ACAP2: variants seen among roughly 807,000 people sequenced by gnomAD.
The protein encoded by ACAP2 is arf-GAP with coiled-coil, ANK repeat and PH domain-containing protein 2.
ACAP2 carries 39 observed loss-of-function variants against 115.8 expected under a neutral mutation model. The observed-to-expected ratio is 0.34, with a 90% CI of 0.26 to 0.44. The LOEUF is 0.44. ACAP2 is among the 20% of genes least tolerant of loss of function. ACAP2 has a pLI of 1.00. For missense variants in ACAP2, 662 were observed against 927.6 expected, an observed-to-expected ratio of 0.71 and a Z score of 3.72; for synonymous variants, 289 against 315.8, an observed-to-expected ratio of 0.92 and a Z score of 0.90.
intron 4 of ACAP2, among the ~76,000 whole-genome samples, chr3:195,345,944 C>A (rs956209466): frequency 6.6e-6 from 1 of 152,094 alleles, no homozygotes; most frequent in Non-Finnish European, 1.5e-5. Context: ...AAATGCTTAT[C>A]GTGGGGATTC....
chr3:195,424,089 C>G (rs1277565057), intron 1 of ACAP2, among the ~76,000 whole-genome samples: 2 of 151,524 alleles, frequency 1.3e-5, no homozygotes, highest in African/African-American at 2.4e-5. Context: ...GTTCAAGATT[C>G]AGAGCAGAAA....
chr3:195,372,987 CAAAAAAAAAAAAAA>C (rs869134113), intron 4 of ACAP2, among the ~76,000 whole-genome samples: 1 of 17,790 alleles, frequency 5.6e-5, no homozygotes, highest in East Asian at 8.7e-4. Context: ...GACTCCATCT[CAAAAAAAAAAAAAA>C]AAAAAAAAAA....
chr3:195,401,592 G>A (rs1302569207), intron 1 of ACAP2, among the ~76,000 whole-genome samples: 7 of 152,152 alleles, frequency 4.6e-5, no homozygotes, highest in East Asian at 3.9e-4. Flanking sequence ...ACTTGAACCC[G>A]GGAGGCAGAG....
intron 10 of ACAP2, among the ~76,000 whole-genome samples, chr3:195,316,422 G>A (rs996629446): frequency 1.3e-5 from 2 of 152,082 alleles, no homozygotes; most frequent in African/African-American, 4.8e-5. Context: ...TTAAGAGACA[G>A]AGTCTCACTG....
At chr3:195,358,790 A>G (rs978194241) in intron 4 of ACAP2, among the ~76,000 whole-genome samples, 1 of 152,206 alleles carries the variant, frequency 6.6e-6, no homozygotes, top group Non-Finnish European at 1.5e-5. Flanking sequence ...TCGAAAGGAT[A>G]GTAACAGAAA....
At chr3:195,437,848 C>G (rs1577485487) in intron 1 of ACAP2, among the ~76,000 whole-genome samples, 1 of 144,952 alleles carries the variant, frequency 6.9e-6, no homozygotes, top group African/African-American at 2.5e-5. Flanking sequence ...AAAAAAAACC[C>G]ACATTTTTAA....
intron 2 of ACAP2, among the ~76,000 whole-genome samples, chr3:195,383,199 A>G (rs1449005860): frequency 2.0e-5 from 3 of 152,168 alleles, no homozygotes; most frequent in African/African-American, 4.8e-5. Context: ...TAAAGTTCAT[A>G]TGGAGTAACC....
intron 22 of ACAP2, among the ~76,000 whole-genome samples, chr3:195,280,139 G>T (rs1490628469): frequency 6.6e-6 from 1 of 152,056 alleles, no homozygotes; most frequent in South Asian, 2.1e-4. Flanking sequence ...GCAACATAGC[G>T]AGACTACATC....
At chr3:195,335,773 T>A (rs965622774) in intron 7 of ACAP2, 1 of 152,080 alleles carries the variant, frequency 6.6e-6, no homozygotes, top group Non-Finnish European at 1.5e-5. Context: ...AACTTAAGCA[T>A]AGCCTTTTGG....
chr3:195,285,843 C>T lies in ACAP2; in HGVS notation c.2189G>A (p.Arg730Lys), dbSNP rs561098631. The change falls in exon 22 of 23, where the codon AGA becomes AAA. Residue 730 changes from arginine to lysine, a missense_variant. Transcript: ENST00000326793. ...TGATTCCCGCATCTCTTCATTCATT[C>T]TTGCTAAACGTAACCTAAAAATAAA... ...ADIVTLLRLA[R>K]MNEEMRESEG... The T allele has an allele frequency of 6.2e-7, 1 of 1,611,738 alleles. No homozygotes were observed. Among genetic ancestry groups the T allele is most frequent in the Non-Finnish European group, 8.5e-7 (1 of 1,179,272 alleles).
At position 195,275,431 on chromosome 3, in the gene ACAP2, G is replaced by A. The variant is rs1726155214; in HGVS notation, c.*3897C>T. On this transcript the variant is annotated 3_prime_UTR_variant, in exon 23 of 23. Transcript: ENST00000326793. ...TTTGCTTTCATTAATGTTTGTTATT[G>A]CAAAAATGTAAGATTTCCTACAATT... 3 of 152,138 alleles carry A rather than the reference G, an allele frequency of 2.0e-5. No homozygotes were observed. The highest frequency in any genetic ancestry group is 1.3e-4 in the Admixed American group (2 of 15,276). The allele number at this position is 152,138 out of a possible 1,614,324, so 9.4% of individuals were successfully genotyped here. A position where few individuals can be genotyped will look rare whatever the true frequency, so the allele number is the denominator to read the frequency against.
intron 20 of ACAP2, among the ~76,000 whole-genome samples, chr3:195,291,030 C>T (rs1044749750): frequency 1.3e-5 from 2 of 151,934 alleles, no homozygotes; most frequent in Non-Finnish European, 2.9e-5. Flanking sequence ...AATGAAGATG[C>T]TATTTTAAAA....
intron 7 of ACAP2, among the ~76,000 whole-genome samples, chr3:195,335,646 G>A (rs1730451033): frequency 6.6e-6 from 1 of 151,932 alleles, no homozygotes; most frequent in Admixed American, 6.6e-5. Flanking sequence ...AAAACAAGTG[G>A]GGTATAAATA....
intron 10 of ACAP2, among the ~76,000 whole-genome samples, chr3:195,319,260 A>C (rs760107908): frequency 2.0e-5 from 3 of 152,200 alleles, no homozygotes; most frequent in Non-Finnish European, 4.4e-5. Flanking sequence ...CTCATGGAGA[A>C]CCTCTCCTAA....
At chr3:195,307,156 TG>T in intron 12 of ACAP2, 66 bp downstream of exon 12, 1 of 1,333,100 alleles carries the variant, frequency 7.5e-7, no homozygotes, top group Non-Finnish European at 1.1e-6. Flanking sequence ...TTCTCTACTC[TG>T]GAAAGTTATT....
chr3:195,389,884 AG>A (rs1299544812), intron 2 of ACAP2, among the ~76,000 whole-genome samples: 2 of 152,238 alleles, frequency 1.3e-5, no homozygotes, highest in Admixed American at 1.3e-4. Context: ...ATGCGCAAGA[AG>A]AGCGCTGAAC....
rs146885408 is a variant in ACAP2, at chr3:195,395,993, G to A, written c.54-3846C>T. Among the ~76,000 whole-genome samples the A allele has an allele frequency of 2.0e-4, 31 of 152,286 alleles. No homozygotes were observed. The East Asian group carries it at 5.8e-3, about 28-fold the overall frequency. ...AAGCTGGGTGTGGTGGCTCATGCCT[G>A]TAATCCCAGCACTTTGGGAGGCTGA... On this transcript the variant is annotated intron_variant, in intron 1 of 22. Coordinates refer to ENST00000326793, the MANE Select transcript of ACAP2 (RefSeq NM_012287.6).
At chr3:195,407,817 T>C (rs1712915761) in intron 1 of ACAP2, among the ~76,000 whole-genome samples, 1 of 151,814 alleles carries the variant, frequency 6.6e-6, no homozygotes, top group Non-Finnish European at 1.5e-5. Flanking sequence ...TTACAGCAAA[T>C]ATAAAAGAAA....
chr3:195,398,637 CTAAATAAA>C (rs55788907), intron 1 of ACAP2, among the ~76,000 whole-genome samples: 7,464 of 142,796 alleles, frequency 0.052, 565 homozygotes, highest in African/African-American at 0.17. Flanking sequence ...AACTCCAACT[CTAAATAAA>C]TAAATAAATA....
Sources: gnomAD v4.1 joint callset for allele counts (sites outside exome capture counted in the v4.1 genomes callset) on GRCh38, gnomAD v4.1.1 for gene constraint, MANE v1.5 for transcripts, NCBI Gene and HGNC (gene_info 2026-07-23, HGNC 2026-07-21) for gene names.